The following GRID2 variants were observed in gnomAD, a reference collection of about 807,000 sequenced individuals.
The protein encoded by GRID2 is glutamate receptor ionotropic, delta-2.
In GRID2, 33 loss-of-function variants were observed where a neutral mutation model predicts 114.8. The ratio of observed to expected loss-of-function variants is 0.29; its 90% CI spans 0.22 to 0.38. The LOEUF (loss-of-function observed/expected upper bound fraction) is 0.38, where lower values mean the gene tolerates loss of function less well. Ranked by LOEUF, GRID2 falls within the 10% of genes least tolerant of loss-of-function variation. GRID2 has a pLI of 1.00. For missense variants in GRID2, 1,184 were observed against 1,257.7 expected, an observed-to-expected ratio of 0.94 and a Z score of 0.89; for synonymous variants, 505 against 449.9, an observed-to-expected ratio of 1.12 and a Z score of -1.55.
intron 11 of GRID2, among the ~76,000 whole-genome samples, chr4:93,476,930 A>T (rs961597794): frequency 6.6e-6 from 1 of 152,158 alleles, no homozygotes; most frequent in Admixed American, 6.6e-5. Context: ...TATAAAAATA[A>T]TGGGAAATTT....
At chr4:92,878,253 T>C (rs1361046730) in intron 2 of GRID2, among the ~76,000 whole-genome samples, 1 of 152,158 alleles carries the variant, frequency 6.6e-6, no homozygotes, top group Non-Finnish European at 1.5e-5. Flanking sequence ...TATTATTCAG[T>C]GTAGGAGGCG....
chr4:93,402,650 C>T (rs1435209744), intron 9 of GRID2, among the ~76,000 whole-genome samples: 1 of 152,028 alleles, frequency 6.6e-6, no homozygotes, highest in Non-Finnish European at 1.5e-5. Context: ...ACCACAGGAA[C>T]TCTTCTGCCA....
chr4:93,292,059 C>T (rs1178939356), intron 8 of GRID2, among the ~76,000 whole-genome samples: 1 of 152,112 alleles, frequency 6.6e-6, no homozygotes, highest in Non-Finnish European at 1.5e-5. Flanking sequence ...GGTGATAAGT[C>T]ACTTATTCCA....
intron 4 of GRID2, among the ~76,000 whole-genome samples, chr4:93,126,554 T>C (rs1734275792): frequency 6.8e-6 from 1 of 148,094 alleles, no homozygotes; most frequent in Admixed American, 6.8e-5. Context: ...AAATTATCCC[T>C]GGTTGACAGT....
chr4:93,220,812 T>C (rs1744785688), intron 6 of GRID2, among the ~76,000 whole-genome samples: 1 of 152,184 alleles, frequency 6.6e-6, no homozygotes, highest in Admixed American at 6.6e-5. Flanking sequence ...AAGATTCTAT[T>C]CTTGGACCTA....
chr4:93,047,542 T>G (rs770038074), intron 2 of GRID2, among the ~76,000 whole-genome samples: 4 of 152,054 alleles, frequency 2.6e-5, no homozygotes, highest in Non-Finnish European at 4.4e-5. Context: ...TTTTACTGTA[T>G]TCTTACAAGA....
At chr4:92,643,648 A>T (rs1004819159) in intron 2 of GRID2, among the ~76,000 whole-genome samples, 4 of 151,800 alleles carry the variant, frequency 2.6e-5, no homozygotes, top group African/African-American at 9.7e-5. Flanking sequence ...AAAAATTTCT[A>T]TATACTGGGT....
At position 92,769,198 on chromosome 4, in the gene GRID2, C is replaced by T. The variant is rs116844130; in HGVS notation, c.244+178912C>T. ...AAGGGGCTACAGGCCCTGTGCAGTC[C>T]GAAACCCAGTGGGGCAATCCTAAAG... On this transcript the variant is annotated intron_variant, in intron 2 of 15. Coordinates refer to ENST00000282020, the MANE Select transcript of GRID2 (RefSeq NM_001510.4). Among the ~76,000 whole-genome samples the T allele has an allele frequency of 7.7e-3, 1,173 of 152,210 alleles. 51 individuals carry two copies. The highest frequency in any genetic ancestry group is 0.062 in the Admixed American group (953 of 15,268).
intron 8 of GRID2, among the ~76,000 whole-genome samples, chr4:93,338,142 G>A (rs895931782): frequency 1.5e-5 from 2 of 135,290 alleles, no homozygotes; most frequent in African/African-American, 7.4e-5. Context: ...CATCAGTGAT[G>A]TGAATTTTTT....
intron 1 of GRID2, among the ~76,000 whole-genome samples, chr4:93,784,512 T>C (rs972149155): frequency 2.0e-5 from 3 of 152,070 alleles, no homozygotes; most frequent in African/African-American, 4.8e-5. Context: ...GAAAGTATCA[T>C]TGACAAGTAG....
chr4:92,644,355 A>C lies in GRID2; in HGVS notation c.244+54069A>C, dbSNP rs188811602. On this transcript the variant is annotated intron_variant, in intron 2 of 15. Transcript: ENST00000282020. ...ATCAATATGCTTCTCCAAAGTAATAAATTAAGTCTCACTAAAATAAACAAG... is the reference window on the plus strand; with the variant it reads ...ATCAATATGCTTCTCCAAAGTAATACATTAAGTCTCACTAAAATAAACAAG... Among the ~76,000 whole-genome samples, 10 of 151,916 alleles carry C rather than the reference A, an allele frequency of 6.6e-5. No homozygotes were observed. The East Asian group carries it at 1.7e-3, about 27-fold the overall frequency.
rs751928572 is a variant in GRID2 at position 92,347,581 on chromosome 4, G to GAA, written c.88+42837_88+42838insAA. Among the ~76,000 whole-genome samples, 618 of 152,206 alleles carry GAA rather than the reference G, an allele frequency of 4.1e-3. 1 individual carries two copies. The highest frequency in any genetic ancestry group is 6.1e-3 in the Non-Finnish European group (415 of 67,996). On this transcript the variant is annotated intron_variant, in intron 1 of 15. Transcript: ENST00000282020. ...AAATGAATATGGACCTTTATTTTGG[G>GAA]TAGAGGATTCTATTATATATTTGCC...
At chr4:93,591,848 G>C (rs970915912) in intron 13 of GRID2, among the ~76,000 whole-genome samples, 1 of 152,152 alleles carries the variant, frequency 6.6e-6, no homozygotes, top group Admixed American at 6.5e-5. Context: ...TTGCGTAGAG[G>C]TGTTTATAGT....
At chr4:93,308,476 C>T (rs1394769706) in intron 8 of GRID2, among the ~76,000 whole-genome samples, 1 of 152,120 alleles carries the variant, frequency 6.6e-6, no homozygotes, top group African/African-American at 2.4e-5. Flanking sequence ...GCCACTGATC[C>T]TTGTTACACA....
intron 14 of GRID2, among the ~76,000 whole-genome samples, chr4:93,729,183 A>G (rs962177976): frequency 6.6e-6 from 1 of 152,184 alleles, no homozygotes; most frequent in Non-Finnish European, 1.5e-5. Flanking sequence ...CATGTGAGCC[A>G]CCATGCCCGG....
intron 2 of GRID2, among the ~76,000 whole-genome samples, chr4:93,055,501 C>T (rs1727140097): frequency 6.6e-6 from 1 of 151,704 alleles, no homozygotes; most frequent in South Asian, 2.1e-4. Context: ...CACATGTACC[C>T]TAAAACTTAA....
Position 92,519,761 on chromosome 4 carries a change from A to G in GRID2, c.89-70370A>G, listed in dbSNP as rs373731329. ...GTGTAGTGGTTTCAGTCTGAGTCCA[A>G]AGGCCTGAGAATAAGGAGAGCTGAT... On this transcript the variant is annotated intron_variant, in intron 1 of 15. Transcript: ENST00000282020. Among the ~76,000 whole-genome samples the G allele has an allele frequency of 5.5e-4, 84 of 151,934 alleles. 1 individual carries two copies. The South Asian group carries it at 0.011, about 21-fold the overall frequency.
At chr4:93,683,266 T>C (rs755376172) in intron 14 of GRID2, among the ~76,000 whole-genome samples, 3 of 152,048 alleles carry the variant, frequency 2.0e-5, no homozygotes, top group Non-Finnish European at 4.4e-5. Flanking sequence ...CAAGAGTCTG[T>C]GTTCTGGAAG....
chr4:93,063,317 T>A (rs1057097745), intron 2 of GRID2, among the ~76,000 whole-genome samples: 2 of 151,924 alleles, frequency 1.3e-5, no homozygotes, highest in Admixed American at 6.6e-5. Context: ...AACAATTTGA[T>A]CATCTTTAGC....
Sources: allele counts gnomAD v4.1 joint callset (sites outside exome capture counted in the v4.1 genomes callset), GRCh38; gene constraint gnomAD v4.1.1; transcripts MANE v1.5; gene names NCBI Gene and HGNC (gene_info 2026-07-23, HGNC 2026-07-21).